Variants in ABCA10 observed in about 807,000 individuals in gnomAD.
The protein encoded by ABCA10 is ATP binding cassette subfamily A member 10, also known as ATP-binding cassette sub-family A member 10.
ABCA10 carries 169 observed loss-of-function variants against 187.5 expected under a neutral mutation model. That is an observed-to-expected ratio of 0.90 (90% CI 0.80 to 1.02). The LOEUF (loss-of-function observed/expected upper bound fraction) is 1.02, where lower values mean the gene tolerates loss of function less well. Ranked by LOEUF, ABCA10 falls within the 50% of genes least tolerant of loss-of-function variation. The pLI, the probability that ABCA10 is intolerant of heterozygous loss-of-function variation, is 0.00. For synonymous variants in ABCA10, 574 were observed against 601.8 expected, an observed-to-expected ratio of 0.95 and a Z score of 0.68; for missense variants, 1,727 against 1,812.4, an observed-to-expected ratio of 0.95 and a Z score of 0.86.
chr17:69,237,752 T>C (rs749047293), intron 1 of ABCA10, among the ~76,000 whole-genome samples: 11 of 151,876 alleles, frequency 7.2e-5, no homozygotes, highest in Non-Finnish European at 1.3e-4. Context: ...TGGAGTAGGG[T>C]GGGCCCTAAA....
In ABCA10 at chr17:69,222,681, C is replaced by G; in HGVS notation, c.51G>C (p.Gly17=). Residue 17 remains glycine (G), a synonymous_variant, in exon 4 of 39, where the codon GGG becomes GGC. Transcript: ENST00000690296. ...TATCCATGGTCTCTTCATCTGGTGT[C>G]CCAATGACTGTTCTTCCTACCATGT... The part of the protein sequence containing the change: ...ASFMKGRTVI[G]TPDEETMDIE... 1.9e-6 allele frequency: 3 copies of G among 1,580,164 alleles called. No homozygotes were observed. Among genetic ancestry groups the G allele is most frequent in the Non-Finnish European group, 8.5e-7 (1 of 1,170,858 alleles).
rs1481895517 is a variant in ABCA10, at chr17:69,148,564, AT to A, written c.*262del. On this transcript the variant is annotated 3_prime_UTR_variant, in exon 39 of 39. Transcript: ENST00000690296. ...CCGATAACCAACCTAATATTGTATG[AT>A]TTTTAAATTATTTTTAAGCACAAAA... The A allele has an allele frequency of 9.1e-5, 29 of 320,160 alleles. No individual in the cohort carries two copies. The highest frequency in any genetic ancestry group is 5.9e-4 in the African/African-American group (27 of 46,118). 19.8% of individuals were successfully genotyped at this position (320,160 alleles called of 1,614,324 possible). A position where few individuals can be genotyped will look rare whatever the true frequency, so the allele number is the denominator to read the frequency against.
At position 69,153,784 on chromosome 17, in the gene ABCA10, T is replaced by C. The variant is rs1472444394; in HGVS notation, c.3965+47A>G. The stretch of plus-strand genomic sequence containing the variant: ...TTTAATATATAATGAAGAAATGACA[T>C]ATTTTCCCCTTCCTCCTGCTACAAA... On this transcript the variant is annotated intron_variant, in intron 32 of 38. Coordinates refer to ENST00000690296, the MANE Select transcript of ABCA10 (RefSeq NM_001377321.1). 6 of 1,557,602 alleles carry C rather than the reference T, an allele frequency of 3.9e-6. No homozygotes were observed. In the East Asian group the frequency reaches 1.1e-4, roughly 29 times the overall value.
At chr17:69,191,398 C>A in intron 16 of ABCA10, 83 bp from the exon 17 acceptor site, 1 of 1,318,098 alleles carries the variant, frequency 7.6e-7, no homozygotes, top group Non-Finnish European at 9.9e-7. Context: ...TATTAAACAG[C>A]TTATATGTAT....
intron 27 of ABCA10, among the ~76,000 whole-genome samples, chr17:69,158,704 T>C (rs2074193177): frequency 6.6e-6 from 1 of 152,024 alleles, no homozygotes; most frequent in South Asian, 2.1e-4. Context: ...CTAATTTTCA[T>C]CAATAAAATT....
chr17:69,204,989 G>A (rs1195200466), intron 9 of ABCA10, among the ~76,000 whole-genome samples: 1 of 152,132 alleles, frequency 6.6e-6, no homozygotes, highest in Non-Finnish European at 1.5e-5. Context: ...TTAGCTGGGT[G>A]TGGTGGTGTA....
intron 23 of ABCA10, 102 bp from the exon 24 acceptor site, chr17:69,174,879 T>C (rs1272528820): frequency 5.7e-6 from 6 of 1,052,168 alleles, no homozygotes; most frequent in East Asian, 2.8e-5. Flanking sequence ...TAGTATGTTA[T>C]AGTGTCTGTG....
intron 9 of ABCA10, among the ~76,000 whole-genome samples, chr17:69,213,420 G>T: frequency 7.2e-6 from 1 of 139,518 alleles, no homozygotes. Context: ...GGTGGGGGGA[G>T]GGTCGTTCTC....
chr17:69,182,643 CAA>C, intron 21 of ABCA10, 30 bp downstream of exon 21: 1 of 1,500,952 alleles, frequency 6.7e-7, no homozygotes, highest in Non-Finnish European at 8.9e-7. Context: ...AAAAAAAAAC[CAA>C]AAAAAAACAG....
At position 69,173,951 on chromosome 17, in the gene ABCA10, A is replaced by C. The variant is rs566818380; in HGVS notation, c.3162+330T>G. ...CCTGCGTTTAAGTCTGATTCTTTTC[A>C]GTTTTTCCCACTCTGTAAAATGAAG... On this transcript the variant is annotated intron_variant, in intron 25 of 38. Coordinates refer to ENST00000690296, the MANE Select transcript of ABCA10 (RefSeq NM_001377321.1). Among the ~76,000 whole-genome samples the C allele has an allele frequency of 6.6e-5, 10 of 152,242 alleles. No individual in the cohort carries two copies. In the South Asian group the frequency reaches 2.1e-3, roughly 32 times the overall value.
intron 22 of ABCA10, among the ~76,000 whole-genome samples, chr17:69,180,114 G>A (rs762568536): frequency 6.6e-6 from 1 of 152,066 alleles, no homozygotes; most frequent in Non-Finnish European, 1.5e-5. Flanking sequence ...TGAATGTTAC[G>A]TCTACTTTAT....
At chr17:69,196,449 A>C (rs2074503569) in intron 11 of ABCA10, 1 of 178,306 alleles carries the variant, frequency 5.6e-6, no homozygotes, top group African/African-American at 2.5e-5. Flanking sequence ...CACATCTCAG[A>C]CGATGGGCGG....
chr17:69,157,176 A>G (rs569847501), intron 27 of ABCA10, among the ~76,000 whole-genome samples: 1 of 152,334 alleles, frequency 6.6e-6, no homozygotes, highest in South Asian at 2.1e-4. Context: ...AAAGCATAGA[A>G]GAGCTAATAA....
At chr17:69,229,508 C>T (rs1289532439), upstream of ABCA10, among the ~76,000 whole-genome samples, 2 of 151,842 alleles carry the variant, frequency 1.3e-5, no homozygotes, top group African/African-American at 2.4e-5. Context: ...GCCTCTTTAT[C>T]AACCCTGAAA....
intron 27 of ABCA10, among the ~76,000 whole-genome samples, chr17:69,163,602 C>T (rs1555658420): frequency 3.3e-5 from 5 of 152,186 alleles, no homozygotes; most frequent in Non-Finnish European, 7.3e-5. Flanking sequence ...AAAGAGGAAA[C>T]AAGAGGTGTG....
In ABCA10 at chr17:69,222,045, C is replaced by A. The variant is rs111278399; in HGVS notation, c.200-150G>T. 1,032 of 628,122 alleles carry A rather than the reference C, an allele frequency of 1.6e-3. 16 individuals carry two copies. In the African/African-American group the frequency reaches 0.018, roughly 11 times the overall value. 38.9% of individuals were successfully genotyped at this position (628,122 alleles called of 1,614,324 possible). ...TATAGAGGATTTTTAAAGTACTCTA[C>A]AGAATTGGAGAAAAAAAGAACATAT... On this transcript the variant is annotated intron_variant, in intron 4 of 38. Transcript: ENST00000690296.
At position 69,156,850 on chromosome 17, in the gene ABCA10, T is replaced by C; in HGVS notation, c.3437A>G (p.Asn1146Ser). The change falls in exon 28 of 39, where the codon AAT (asparagine) becomes AGT (serine). Residue 1146 changes from asparagine (N) to serine (S), a missense_variant. By Grantham distance (46) the Asn-to-Ser change is conservative. Transcript: ENST00000690296. ...TCCCAACCTGAAAACTGGGTCTTTA[T>C]TCATTATTTCATTTCCATACTTCAT... is the stretch of plus-strand genomic sequence containing the variant. ...LEMKYGNEIM[N>S]KDPVFRISPR... is the part of the protein sequence containing the mutation. The C allele has an allele frequency of 6.3e-7, 1 of 1,581,608 alleles. No individual in the cohort carries two copies. Among genetic ancestry groups the C allele is most frequent in the Non-Finnish European group, 8.6e-7 (1 of 1,162,142 alleles).
chr17:69,231,697 T>G (rs1027263496), upstream of ABCA10, among the ~76,000 whole-genome samples: 2 of 152,184 alleles, frequency 1.3e-5, no homozygotes, highest in African/African-American at 4.8e-5. Flanking sequence ...ATATGACCTT[T>G]CCTGGAGAAT....
intron 21 of ABCA10, 21 bp downstream of exon 21, chr17:69,182,654 A>T (rs752062758): frequency 5.2e-5 from 80 of 1,547,576 alleles, no homozygotes; most frequent in Non-Finnish European, 6.8e-5. Context: ...AAAAAAAAAC[A>T]GTGCATAGAA....
Sources: allele counts gnomAD v4.1 joint callset (sites outside exome capture counted in the v4.1 genomes callset), GRCh38; gene constraint gnomAD v4.1.1; transcripts MANE v1.5; gene names NCBI Gene and HGNC (gene_info 2026-07-23, HGNC 2026-07-21).